ROBO2: variants seen among roughly 807,000 people sequenced by gnomAD.
ROBO2 encodes roundabout guidance receptor 2.
Under a neutral mutation model 160.8 loss-of-function variants are expected in ROBO2, and 53 were observed. The ratio of observed to expected loss-of-function variants is 0.33; its 90% CI spans 0.26 to 0.41. The LOEUF (loss-of-function observed/expected upper bound fraction) is 0.41, where lower values mean the gene tolerates loss of function less well. ROBO2 is among the 10% of genes least tolerant of loss of function. ROBO2 has a pLI of 1.00. For synonymous variants in ROBO2, 664 were observed against 611.7 expected, an observed-to-expected ratio of 1.09 and a Z score of -1.26; for missense variants, 1,577 against 1,722.4, an observed-to-expected ratio of 0.92 and a Z score of 1.49.
chr3:76,529,790 C>A (rs568835979), intron 2 of ROBO2, among the ~76,000 whole-genome samples: 1 of 152,260 alleles, frequency 6.6e-6, no homozygotes, highest in African/African-American at 2.4e-5. Context: ...TATTCCCCTT[C>A]TCCCTCTTCT....
intron 2 of ROBO2, among the ~76,000 whole-genome samples, chr3:76,626,426 ATGGAAAATAAAGTAGCACC>A (rs1290738601): frequency 2.6e-5 from 4 of 152,152 alleles, no homozygotes; most frequent in Non-Finnish European, 4.4e-5. Flanking sequence ...GTTTAGGCTG[ATGGAAAATAAAGTAGCACC>A]TGCCCAAATG....
At chr3:76,507,624 T>G (rs1490290062) in intron 2 of ROBO2, among the ~76,000 whole-genome samples, 1 of 152,102 alleles carries the variant, frequency 6.6e-6, no homozygotes, top group Non-Finnish European at 1.5e-5. Flanking sequence ...CAGACAATAT[T>G]TTAAGTGTTT....
chr3:76,015,377 T>C (rs1239105115), intron 2 of ROBO2, among the ~76,000 whole-genome samples: 5 of 152,198 alleles, frequency 3.3e-5, no homozygotes, highest in Non-Finnish European at 7.3e-5. Flanking sequence ...ACACAGATAT[T>C]TGAAGCTGCA....
chr3:76,073,206 T>C (rs2068519627), intron 2 of ROBO2, among the ~76,000 whole-genome samples: 1 of 150,528 alleles, frequency 6.6e-6, no homozygotes, highest in Middle Eastern at 3.4e-3. Flanking sequence ...TTTAAAACAT[T>C]TAATTTCTTT....
intron 2 of ROBO2, among the ~76,000 whole-genome samples, chr3:76,265,843 C>A (rs1707066834): frequency 6.6e-6 from 1 of 151,110 alleles, no homozygotes; most frequent in African/African-American, 2.4e-5. Flanking sequence ...TGTTCAAGTT[C>A]TTTAACTTAT....
At chr3:76,412,247 G>GT (rs1244472071) in intron 2 of ROBO2, among the ~76,000 whole-genome samples, 1 of 152,080 alleles carries the variant, frequency 6.6e-6, no homozygotes, top group Non-Finnish European at 1.5e-5. Flanking sequence ...CTCCCCCTGG[G>GT]TTACTCCCAC....
At chr3:77,056,887 T>A (rs2065804305) in intron 1 of ROBO2, among the ~76,000 whole-genome samples, 1 of 152,096 alleles carries the variant, frequency 6.6e-6, no homozygotes, top group Non-Finnish European at 1.5e-5. Context: ...TATGCACACG[T>A]ACATACATAT....
intron 2 of ROBO2, among the ~76,000 whole-genome samples, chr3:77,284,201 C>A (rs1441958): frequency 0.3 from 45,783 of 151,894 alleles, 7,254 homozygotes; most frequent in Non-Finnish European, 0.35. Context: ...TGAGTAGTCA[C>A]AATAGACAGT....
At chr3:76,200,444 C>G (rs2107245774) in intron 2 of ROBO2, among the ~76,000 whole-genome samples, 1 of 152,208 alleles carries the variant, frequency 6.6e-6, no homozygotes, top group East Asian at 1.9e-4. Flanking sequence ...TTTCCTGAAT[C>G]CACTGGTTCT....
At chr3:77,371,888 A>AT (rs2071805967) in intron 2 of ROBO2, among the ~76,000 whole-genome samples, 1 of 152,216 alleles carries the variant, frequency 6.6e-6, no homozygotes, top group African/African-American at 2.4e-5. Context: ...AAATCACTAA[A>AT]TTGCTGCAGT....
At chr3:77,021,154 C>T (rs1371163553) in intron 2 of ROBO2, among the ~76,000 whole-genome samples, 1 of 152,022 alleles carries the variant, frequency 6.6e-6, no homozygotes, top group African/African-American at 2.4e-5. Context: ...TGAGCTATAA[C>T]TGCACCATTG....
intron 2 of ROBO2, among the ~76,000 whole-genome samples, chr3:76,702,154 T>C (rs2107471961): frequency 6.6e-6 from 1 of 152,188 alleles, no homozygotes; most frequent in South Asian, 2.1e-4. Flanking sequence ...TTTATATCTT[T>C]ATCCCTTTCC....
At chr3:76,417,988 G>A (rs896375252) in intron 2 of ROBO2, among the ~76,000 whole-genome samples, 8 of 151,824 alleles carry the variant, frequency 5.3e-5, no homozygotes, top group Non-Finnish European at 1.0e-4. Flanking sequence ...AATAAAATGA[G>A]AACAAGTCCT....
At chr3:76,529,691 G>GA (rs1384210237) in intron 2 of ROBO2, among the ~76,000 whole-genome samples, 2 of 152,060 alleles carry the variant, frequency 1.3e-5, no homozygotes, top group Non-Finnish European at 2.9e-5. Context: ...CTAATGGACA[G>GA]AAAAAACTTG....
At chr3:77,459,046 T>G (rs2081980085) in intron 2 of ROBO2, among the ~76,000 whole-genome samples, 1 of 152,162 alleles carries the variant, frequency 6.6e-6, no homozygotes, top group African/African-American at 2.4e-5. Context: ...ACTGTTTTAT[T>G]CCACCCCACT....
chr3:76,868,349 C>T (rs905037754), intron 2 of ROBO2, among the ~76,000 whole-genome samples: 3 of 152,130 alleles, frequency 2.0e-5, no homozygotes, highest in Non-Finnish European at 4.4e-5. Context: ...TCTTTCTTTT[C>T]ATAGTATATT....
Position 76,502,039 on chromosome 3 carries a change from A to G in ROBO2, c.109+564437A>G, listed in dbSNP as rs927718542. On this transcript the variant is annotated intron_variant, in intron 2 of 26. Transcript: ENST00000487694. ...CTCCCATAATCTTTAATATTCAAAC[A>G]TTTATAATAATACATATGGTTTTCA... Among the ~76,000 whole-genome samples the G allele has an allele frequency of 2.0e-5, 3 of 152,040 alleles. No individual in the cohort carries two copies. In the East Asian group the frequency reaches 5.8e-4, roughly 29 times the overall value.
intron 2 of ROBO2, among the ~76,000 whole-genome samples, chr3:76,892,415 C>T (rs536226999): frequency 6.6e-6 from 1 of 152,294 alleles, no homozygotes. Flanking sequence ...ATCTCAAAAT[C>T]AAGCATTCCA....
intron 2 of ROBO2, among the ~76,000 whole-genome samples, chr3:76,580,343 T>G (rs9309744): frequency 0.042 from 306 of 7,300 alleles, 11 homozygotes; most frequent in African/African-American, 0.051. Context: ...TTTTTTTGTG[T>G]TTTTTTTTTT....
Sources: gnomAD v4.1 joint callset for allele counts (sites outside exome capture counted in the v4.1 genomes callset) on GRCh38, gnomAD v4.1.1 for gene constraint, MANE v1.5 for transcripts, NCBI Gene and HGNC (gene_info 2026-07-23, HGNC 2026-07-21) for gene names.